The following AKAP7 variants were observed in gnomAD, a reference collection of about 807,000 sequenced individuals.
AKAP7 encodes the protein A-kinase anchoring protein 7.
A neutral mutation model predicts 39.5 loss-of-function variants in AKAP7; 39 were observed. The observed-to-expected ratio is 0.99, with a 90% CI of 0.76 to 1.29. AKAP7 has a LOEUF of 1.29. AKAP7 is among the 50% of genes most tolerant of loss of function. The pLI is 0.00. For missense variants in AKAP7, 414 were observed against 407.7 expected (o/e 1.02, Z -0.13); for synonymous variants, 140 against 139.1 (o/e 1.01, Z -0.05).
intron 7 of AKAP7, among the ~76,000 whole-genome samples, chr6:131,222,383 C>T (rs9483231): frequency 0.021 from 3,121 of 152,010 alleles, 81 homozygotes; most frequent in African/African-American, 0.061. Context: ...AAATACTAGC[C>T]GGGCGTGGTG....
intron 5 of AKAP7, among the ~76,000 whole-genome samples, chr6:131,173,124 C>G (rs1024134616): frequency 1.4e-4 from 21 of 151,326 alleles, no homozygotes. Flanking sequence ...TCACTTGAAC[C>G]CGGGAGGCGG....
chr6:131,154,050 A>G (rs1160119836), intron 2 of AKAP7, among the ~76,000 whole-genome samples: 1 of 152,110 alleles, frequency 6.6e-6, no homozygotes, highest in Admixed American at 6.6e-5. Context: ...TCTCTACTAA[A>G]AATACAAAAA....
At chr6:131,159,990 G>GTTT in intron 2 of AKAP7, 69 bp from the exon 3 acceptor site, 8 of 1,298,952 alleles carry the variant, frequency 6.2e-6, no homozygotes, top group African/African-American at 1.5e-5. Flanking sequence ...TATATTGCTT[G>GTTT]TTTTTTTTTC....
chr6:131,137,137 A>G (rs1584919160), intron 1 of AKAP7, among the ~76,000 whole-genome samples: 1 of 145,008 alleles, frequency 6.9e-6, no homozygotes, highest in South Asian at 2.2e-4. Context: ...TAATTTTTGT[A>G]TTTTTTTTTT....
chr6:131,192,288 G>A (rs1218099802), intron 5 of AKAP7, among the ~76,000 whole-genome samples: 1 of 152,170 alleles, frequency 6.6e-6, no homozygotes, highest in Non-Finnish European at 1.5e-5. Flanking sequence ...TAGGTGTCTA[G>A]TTTCATTCTT....
chr6:131,227,408 T>TA, intron 7 of AKAP7, among the ~76,000 whole-genome samples: 1 of 152,232 alleles, frequency 6.6e-6, no homozygotes, highest in African/African-American at 2.4e-5. Context: ...GGGATGGACA[T>TA]AGTTACATAC....
intron 7 of AKAP7, among the ~76,000 whole-genome samples, chr6:131,220,789 T>C (rs534765143): frequency 2.0e-5 from 3 of 152,334 alleles, no homozygotes; most frequent in African/African-American, 7.2e-5. Context: ...TTCATTATTA[T>C]TATATCTGTT....
Position 131,249,229 on chromosome 6 carries a change from T to G in AKAP7, c.850+29421T>G, listed in dbSNP as rs149512050. Among the ~76,000 whole-genome samples the G allele has an allele frequency of 1.5e-3, 223 of 152,312 alleles. 2 individuals carry two copies. The highest frequency in any genetic ancestry group is 5.2e-3 in the African/African-American group (215 of 41,564). On this transcript the variant is annotated intron_variant, in intron 7 of 7. Coordinates refer to ENST00000431975, the MANE Select transcript of AKAP7 (RefSeq NM_016377.4). ...TGTACCTGTGACATATAAAAACAAC[T>G]GTGTTCCTTGATAACACTCTCAAAT...
At chr6:131,274,820 C>T (rs978565994) in intron 7 of AKAP7, among the ~76,000 whole-genome samples, 3 of 152,164 alleles carry the variant, frequency 2.0e-5, no homozygotes, top group Non-Finnish European at 4.4e-5. Flanking sequence ...TTCTCATGCT[C>T]CTGTGCACAT....
At chr6:131,178,872 G>A (rs1428579044) in intron 5 of AKAP7, among the ~76,000 whole-genome samples, 1 of 152,134 alleles carries the variant, frequency 6.6e-6, no homozygotes, top group Non-Finnish European at 1.5e-5. Context: ...CTGGTCCACT[G>A]CCTATATCTC....
At chr6:131,205,191 GA>G (rs997980548) in intron 6 of AKAP7, among the ~76,000 whole-genome samples, 16 of 152,060 alleles carry the variant, frequency 1.1e-4, no homozygotes, top group African/African-American at 3.6e-4. Flanking sequence ...AACCAATTGA[GA>G]TTTTTTTTTA....
chr6:131,207,232 TA>T (rs200754958), intron 6 of AKAP7, among the ~76,000 whole-genome samples: 2,098 of 152,116 alleles, frequency 0.014, 57 homozygotes, highest in African/African-American at 0.048. Context: ...GATAGGAAGA[TA>T]GGGGCAATTT....
intron 3 of AKAP7, chr6:131,164,518 T>C (rs970557571): frequency 2.3e-6 from 1 of 441,814 alleles, no homozygotes; most frequent in Admixed American, 2.4e-5. Context: ...TTCATGGTAA[T>C]GCCCCTCCCC....
chr6:131,155,099 G>A (rs955466819), intron 2 of AKAP7, among the ~76,000 whole-genome samples: 18 of 151,864 alleles, frequency 1.2e-4, no homozygotes, highest in East Asian at 7.8e-4. Flanking sequence ...ATAGCTCACC[G>A]TAACCTCGAA....
At chr6:131,149,575 C>G (rs945076041) in intron 2 of AKAP7, among the ~76,000 whole-genome samples, 1 of 152,178 alleles carries the variant, frequency 6.6e-6, no homozygotes, top group Non-Finnish European at 1.5e-5. Context: ...GCAGAGGTTG[C>G]AGTGAGCCGA....
upstream of AKAP7, among the ~76,000 whole-genome samples, chr6:131,131,224 A>G (rs1800321190): frequency 6.6e-6 from 1 of 152,222 alleles, no homozygotes; most frequent in Non-Finnish European, 1.5e-5. Flanking sequence ...AGACTTGGGC[A>G]GTTGGTCCCA....
chr6:131,242,037 A>G, intron 7 of AKAP7: 2 of 978,096 alleles, frequency 2.0e-6, no homozygotes, highest in Non-Finnish European at 2.4e-6. Flanking sequence ...TAATTAACCC[A>G]CAGGGATCCT....
upstream of AKAP7, among the ~76,000 whole-genome samples, chr6:131,135,421 C>T (rs1800439821): frequency 2.0e-5 from 3 of 152,054 alleles, no homozygotes; most frequent in South Asian, 6.2e-4. Flanking sequence ...GCGTCCGCGC[C>T]TCTCGCCCGA....
rs542587032 is a variant in AKAP7, at chr6:131,280,106, G to A, written c.851-1424G>A. Among the ~76,000 whole-genome samples the A allele has an allele frequency of 3.3e-5, 5 of 152,064 alleles. No individual in the cohort carries two copies. In the South Asian group the frequency reaches 1.0e-3, roughly 32 times the overall value. On this transcript the variant is annotated intron_variant, in intron 7 of 7. Coordinates refer to ENST00000431975, the MANE Select transcript of AKAP7 (RefSeq NM_016377.4). ...ACATTACCAATGAATTTCTTTAACC[G>A]TATTATTTAGTAAGTTCTATTTAGT...
Sources: gnomAD v4.1 joint callset for allele counts (sites outside exome capture counted in the v4.1 genomes callset) on GRCh38, gnomAD v4.1.1 for gene constraint, MANE v1.5 for transcripts, NCBI Gene and HGNC (gene_info 2026-07-23, HGNC 2026-07-21) for gene names.